Variants in ARL13B observed in about 807,000 individuals in gnomAD.
The protein encoded by ARL13B is ARF like GTPase 13B.
Under a neutral mutation model 56.1 loss-of-function variants are expected in ARL13B, and 36 were observed. That is an observed-to-expected ratio of 0.64 (90% confidence interval 0.49 to 0.85). The LOEUF (loss-of-function observed/expected upper bound fraction) is 0.85, where lower values mean the gene tolerates loss of function less well. Among genes scored for constraint, ARL13B ranks in the 40% least tolerant of loss-of-function variants. ARL13B has a pLI of 0.00. For missense variants in ARL13B, 519 were observed against 507.1 expected (o/e 1.02, Z -0.23); for synonymous variants, 178 against 171.1 (o/e 1.04, Z -0.32).
intron 1 of ARL13B, among the ~76,000 whole-genome samples, chr3:93,981,356 T>C (rs974828024): frequency 5.3e-5 from 8 of 152,066 alleles, no homozygotes; most frequent in African/African-American, 1.9e-4. Flanking sequence ...AAGGGTAAGA[T>C]AAAGCAAAGT....
At chr3:93,988,850 CT>C in intron 1 of ARL13B, 1 of 382,058 alleles carries the variant, frequency 2.6e-6, no homozygotes, top group Non-Finnish European at 5.1e-6. Flanking sequence ...TTCATTTCCA[CT>C]TTTGCAGGAG....
intron 3 of ARL13B, chr3:94,015,193 G>A (rs2076305526): frequency 6.2e-7 from 1 of 1,613,346 alleles, no homozygotes; most frequent in African/African-American, 1.3e-5. Flanking sequence ...CTCTGTTTCT[G>A]TAGTTGATAC....
Position 94,003,896 on chromosome 3 carries a change from A to T in ARL13B, c.368A>T (p.Lys123Met), listed in dbSNP as rs1314191003. The T allele has an allele frequency of 1.9e-5, 30 of 1,613,174 alleles. No individual in the cohort carries two copies. Among genetic ancestry groups the T allele is most frequent in the Non-Finnish European group, 2.5e-5 (29 of 1,179,532 alleles). Residue 123 changes from lysine to methionine, a missense_variant, in exon 3 of 10, where the codon AAG becomes ATG. Physicochemically the swap from Lys to Met is moderately conservative, Grantham distance 95. Transcript: ENST00000394222. ...CTAAGACATCCTAGGATATCGGGAAAGCCTATATTGGTGTAAGTAATGTTA... is the reference window on the plus strand; with the variant it reads ...CTAAGACATCCTAGGATATCGGGAATGCCTATATTGGTGTAAGTAATGTTA... ...EMLRHPRISG[K>M]PILVLANKQD...
At chr3:93,983,063 T>G (rs1288138495) in intron 1 of ARL13B, among the ~76,000 whole-genome samples, 1 of 152,072 alleles carries the variant, frequency 6.6e-6, no homozygotes, top group Non-Finnish European at 1.5e-5. Context: ...ATGTGAGGAG[T>G]GAATTTGTAA....
intron 7 of ARL13B, among the ~76,000 whole-genome samples, chr3:94,046,047 TC>T (rs929415178): frequency 3.4e-5 from 5 of 149,110 alleles, no homozygotes; most frequent in Non-Finnish European, 5.9e-5. Context: ...GACACAGAGA[TC>T]AATAAAACAC....
At chr3:94,023,057 T>A (rs2076483159) in intron 3 of ARL13B, among the ~76,000 whole-genome samples, 2 of 152,074 alleles carry the variant, frequency 1.3e-5, no homozygotes, top group Non-Finnish European at 2.9e-5. Flanking sequence ...TTTTATATTC[T>A]CTATTTTTGA....
chr3:93,991,929 A>G (rs2075884226), intron 1 of ARL13B, among the ~76,000 whole-genome samples: 2 of 152,182 alleles, frequency 1.3e-5, no homozygotes, highest in African/African-American at 4.8e-5. Flanking sequence ...GCCTTTTTTC[A>G]AGAATAGGAC....
intron 3 of ARL13B, among the ~76,000 whole-genome samples, chr3:94,033,489 CTT>C (rs2076712590): frequency 6.6e-6 from 1 of 151,732 alleles, no homozygotes; most frequent in Non-Finnish European, 1.5e-5. Context: ...TTTATCTTGA[CTT>C]TGTGAATTTT....
rs78946357 is a variant in ARL13B, at chr3:94,049,358, G to A, written c.1025-48G>A. On this transcript the variant is annotated intron_variant, in intron 7 of 9. Transcript: ENST00000394222. ...GTATTCTTTGTTTTCTATTATAAAA[G>A]TGCACTTTTTCATAAAGACATGAAG... The A allele has an allele frequency of 4.1e-3, 4,548 of 1,110,448 alleles. 125 individuals carry two copies. In the East Asian group the frequency reaches 0.061, roughly 15 times the overall value. The allele number at this position is 1,110,448 out of a possible 1,614,324, so 68.8% of individuals were successfully genotyped here.
At chr3:94,047,603 T>C (rs2077002757) in intron 7 of ARL13B, among the ~76,000 whole-genome samples, 1 of 152,166 alleles carries the variant, frequency 6.6e-6, no homozygotes, top group African/African-American at 2.4e-5. Flanking sequence ...GGTATAGTAT[T>C]CCATTATATA....
At chr3:94,051,655 C>T (rs1346442563) in intron 9 of ARL13B, among the ~76,000 whole-genome samples, 2 of 152,044 alleles carry the variant, frequency 1.3e-5, no homozygotes, top group Non-Finnish European at 2.9e-5. Context: ...GTTCAATAAA[C>T]TTGTTTGTTA....
intron 4 of ARL13B, 40 bp from the exon 5 acceptor site, chr3:94,036,512 A>G (rs1266809970): frequency 6.3e-7 from 1 of 1,588,308 alleles, no homozygotes; most frequent in Non-Finnish European, 8.6e-7. Context: ...ATTTGTGTGG[A>G]GACCTTTTAA....
chr3:94,023,130 T>C (rs912016572), intron 3 of ARL13B, among the ~76,000 whole-genome samples: 2 of 152,096 alleles, frequency 1.3e-5, no homozygotes, highest in African/African-American at 4.8e-5. Context: ...TAGCTCCTTT[T>C]CAAAACATAA....
At chr3:93,981,348 G>C (rs540919806) in intron 1 of ARL13B, among the ~76,000 whole-genome samples, 28 of 152,058 alleles carry the variant, frequency 1.8e-4, no homozygotes, top group African/African-American at 6.3e-4. Flanking sequence ...ATTGGGCCAA[G>C]GGTAAGATAA....
chr3:93,984,437 C>T (rs1457498175), intron 1 of ARL13B, among the ~76,000 whole-genome samples: 4 of 152,076 alleles, frequency 2.6e-5, no homozygotes, highest in African/African-American at 4.8e-5. Flanking sequence ...AGTCTCCATC[C>T]TCATCTTCTT....
At chr3:94,031,983 G>T (rs2076684794) in intron 3 of ARL13B, among the ~76,000 whole-genome samples, 1 of 152,116 alleles carries the variant, frequency 6.6e-6, no homozygotes, top group African/African-American at 2.4e-5. Context: ...GAAAACTGAT[G>T]AAACTCTTCT....
intron 1 of ARL13B, among the ~76,000 whole-genome samples, chr3:93,990,484 T>C (rs1247051024): frequency 6.6e-6 from 1 of 152,330 alleles, no homozygotes; most frequent in African/African-American, 2.4e-5. Flanking sequence ...AAGGTAATTT[T>C]ATAAAATATT....
At chr3:93,990,416 G>T (rs1235224621) in intron 1 of ARL13B, among the ~76,000 whole-genome samples, 8 of 151,726 alleles carry the variant, frequency 5.3e-5, no homozygotes, top group African/African-American at 1.9e-4. Context: ...GAAGTATCTT[G>T]GGAATGGCCT....
At chr3:93,985,960 G>A (rs767123840) in intron 1 of ARL13B, among the ~76,000 whole-genome samples, 2 of 152,134 alleles carry the variant, frequency 1.3e-5, no homozygotes, top group Non-Finnish European at 2.9e-5. Context: ...GGAATACTTA[G>A]CTCCCTAATA....
Sources: allele counts gnomAD v4.1 joint callset (sites outside exome capture counted in the v4.1 genomes callset), GRCh38; gene constraint gnomAD v4.1.1; transcripts MANE v1.5; gene names NCBI Gene and HGNC (gene_info 2026-07-23, HGNC 2026-07-21).